Variants in RAP1B observed in about 807,000 individuals in gnomAD.
The protein encoded by RAP1B is ras-related protein Rap-1b.
Under a neutral mutation model 27.5 loss-of-function variants are expected in RAP1B, and 1 was observed. The ratio of observed to expected loss-of-function variants is 0.04; its 90% CI spans 0.01 to 0.17. RAP1B has a LOEUF of 0.17. RAP1B is among the 10% of genes least tolerant of loss of function. RAP1B has a pLI of 1.00. For missense variants in RAP1B, 84 were observed against 214.8 expected (o/e 0.39, Z 3.81); for synonymous variants, 75 against 73.1 (o/e 1.03, Z -0.13).
intron 1 of RAP1B, chr12:68,627,034 C>T: frequency 6.3e-7 from 1 of 1,591,332 alleles, no homozygotes; most frequent in Non-Finnish European, 8.5e-7. Flanking sequence ...TTCTGGCGGC[C>T]AGAAAACTTG....
chr12:68,650,206 AT>A, intron 2 of RAP1B, 193 bp from the exon 3 acceptor site: 1 of 420,040 alleles, frequency 2.4e-6, no homozygotes, highest in Non-Finnish European at 4.1e-6. Context: ...GAGCATAGTG[AT>A]TATTTATTTA....
rs1874552748 is a variant in RAP1B at position 68,660,784 on chromosome 12, A to C, written c.*1535A>C. On this transcript the variant is annotated 3_prime_UTR_variant, in exon 8 of 8. Transcript: ENST00000250559. ...ATCAAGCAGTATTACTTACGAATAAATGCCTTTGGGTAATGTTCAGTAGCT... is the reference window on the plus strand; with the variant it reads ...ATCAAGCAGTATTACTTACGAATAACTGCCTTTGGGTAATGTTCAGTAGCT... 6.6e-6 allele frequency: 1 copy of C among 152,210 alleles called. No individual in the cohort carries two copies. Among genetic ancestry groups the C allele is most frequent in the African/African-American group, 2.4e-5 (1 of 41,448 alleles). The allele number at this position is 152,210 out of a possible 1,614,324, so 9.4% of individuals were successfully genotyped here.
At chr12:68,642,337 TAAA>T (rs752969138) in intron 1 of RAP1B, among the ~76,000 whole-genome samples, 1 of 151,336 alleles carries the variant, frequency 6.6e-6, no homozygotes, top group East Asian at 1.9e-4. Context: ...AGAATGATAT[TAAA>T]AAAAAAGTTG....
chr12:68,626,275 A>G (rs1344957880), intron 1 of RAP1B, among the ~76,000 whole-genome samples: 1 of 152,188 alleles, frequency 6.6e-6, no homozygotes, highest in African/African-American at 2.4e-5. Context: ...CTAACACTAA[A>G]GTTCCTCACT....
At chr12:68,636,949 C>T (rs1177427828) in intron 1 of RAP1B, among the ~76,000 whole-genome samples, 4 of 152,214 alleles carry the variant, frequency 2.6e-5, no homozygotes, top group African/African-American at 7.2e-5. Flanking sequence ...CCACCACACC[C>T]GGCCTGTCCC....
At chr12:68,622,084 G>A (rs1221394012) in intron 1 of RAP1B, among the ~76,000 whole-genome samples, 1 of 152,180 alleles carries the variant, frequency 6.6e-6, no homozygotes, top group African/African-American at 2.4e-5. Flanking sequence ...TGACCTAGGT[G>A]ACAGGCTTCA....
intron 2 of RAP1B, 88 bp from the exon 3 acceptor site, chr12:68,650,312 C>A: frequency 2.5e-6 from 3 of 1,204,950 alleles, no homozygotes; most frequent in Non-Finnish European, 1.1e-6. Flanking sequence ...TGGTGTAACT[C>A]CCTGTGTGAA....
intron 1 of RAP1B, among the ~76,000 whole-genome samples, chr12:68,635,643 C>T (rs79167196): frequency 0.18 from 26,783 of 151,386 alleles, 3,012 homozygotes; most frequent in South Asian, 0.45. Flanking sequence ...TTGGTAGAGA[C>T]GGGGTTTCAC....
At position 68,669,869 on chromosome 12, in the gene RAP1B, C is replaced by A. The variant is rs1036248828; in HGVS notation, c.*10620C>A. ...GTTCAAGTGAAAGAGTAGAGTAGAA[C>A]TGAGTCCAGAACTAGATTCCAGTAT... On this transcript the variant is annotated 3_prime_UTR_variant, in exon 8 of 8. Coordinates refer to ENST00000250559, the MANE Select transcript of RAP1B (RefSeq NM_001010942.3). 6.6e-6 allele frequency: 1 copy of A among 151,080 alleles called. No homozygotes were observed. Among genetic ancestry groups the A allele is most frequent in the Admixed American group, 6.6e-5 (1 of 15,150 alleles). The allele number at this position is 151,080 out of a possible 1,614,324, so 9.4% of individuals were successfully genotyped here. A position where few individuals can be genotyped will look rare whatever the true frequency, so the allele number is the denominator to read the frequency against.
chr12:68,625,299 C>A (rs12309716), intron 1 of RAP1B, among the ~76,000 whole-genome samples: 2 of 151,986 alleles, frequency 1.3e-5, no homozygotes, highest in African/African-American at 4.8e-5. Flanking sequence ...TGAATAAACT[C>A]AAGAGGGTAG....
intron 4 of RAP1B, 72 bp from the exon 5 acceptor site, chr12:68,654,040 T>C (rs1016341774): frequency 4.9e-5 from 64 of 1,293,724 alleles, no homozygotes; most frequent in Middle Eastern, 3.7e-4. Flanking sequence ...GCTATAATTA[T>C]AGACTGTGAA....
intron 1 of RAP1B, among the ~76,000 whole-genome samples, chr12:68,612,433 G>A (rs1862445195): frequency 6.6e-6 from 1 of 152,196 alleles, no homozygotes; most frequent in Non-Finnish European, 1.5e-5. Context: ...TTTAAGGGCC[G>A]GAAGGGACTA....
chr12:68,656,093 A>G (rs182118731), intron 5 of RAP1B, among the ~76,000 whole-genome samples: 120 of 152,292 alleles, frequency 7.9e-4, no homozygotes, highest in Admixed American at 1.2e-3. Context: ...CTCCATGAAA[A>G]GAGAAGGCAG....
intron 5 of RAP1B, among the ~76,000 whole-genome samples, chr12:68,655,950 C>G (rs1874174697): frequency 6.6e-6 from 1 of 152,154 alleles, no homozygotes. Flanking sequence ...ATAACAGGAT[C>G]ATAGCTTGTT....
At chr12:68,621,816 A>G (rs985231341) in intron 1 of RAP1B, among the ~76,000 whole-genome samples, 1 of 152,238 alleles carries the variant, frequency 6.6e-6, no homozygotes. Flanking sequence ...GTTAGAGATT[A>G]TAGTCTTAAA....
chr12:68,629,775 C>G (rs1263088801), intron 1 of RAP1B, among the ~76,000 whole-genome samples: 1 of 152,154 alleles, frequency 6.6e-6, no homozygotes, highest in Non-Finnish European at 1.5e-5. Context: ...AATATGATAG[C>G]TATCTATGCC....
At position 68,612,723 on chromosome 12, in the gene RAP1B, T is replaced by C. The variant is rs74100996; in HGVS notation, c.-27+1680T>C. 3.7e-3 allele frequency among the ~76,000 whole-genome samples: 571 copies of C among 152,364 alleles called. 5 individuals carry two copies. Among genetic ancestry groups the C allele is most frequent in the African/African-American group, 0.013 (539 of 41,582 alleles). On this transcript the variant is annotated intron_variant, in intron 1 of 7. Transcript: ENST00000250559. Reference sequence around the variant, plus strand: ...TTAGGTGAGGAAACTGATACTCAGATTAAATAACTTTAAGCACACAGAGCC... The same window carrying C: ...TTAGGTGAGGAAACTGATACTCAGACTAAATAACTTTAAGCACACAGAGCC...
At chr12:68,628,271 A>C (rs755582507) in intron 1 of RAP1B, among the ~76,000 whole-genome samples, 10 of 152,182 alleles carry the variant, frequency 6.6e-5, no homozygotes, top group Non-Finnish European at 1.3e-4. Flanking sequence ...GTTGATGTAC[A>C]CCACAAATCA....
chr12:68,620,937 G>A (rs2135918092), intron 1 of RAP1B, among the ~76,000 whole-genome samples: 1 of 152,258 alleles, frequency 6.6e-6, no homozygotes, highest in African/African-American at 2.4e-5. Flanking sequence ...CGAGTAATCA[G>A]TTTCAGATTA....
Sources: allele counts gnomAD v4.1 joint callset (sites outside exome capture counted in the v4.1 genomes callset), GRCh38; gene constraint gnomAD v4.1.1; transcripts MANE v1.5; gene names NCBI Gene and HGNC (gene_info 2026-07-23, HGNC 2026-07-21).